RPAP3: variants seen among roughly 807,000 people sequenced by gnomAD.
RPAP3 encodes RNA polymerase II-associated protein 3.
A neutral mutation model predicts 88.8 loss-of-function variants in RPAP3; 58 were observed. The observed-to-expected ratio is 0.65, with a 90% confidence interval of 0.53 to 0.81. The LOEUF (loss-of-function observed/expected upper bound fraction) is 0.81. RPAP3 is among the 40% of genes least tolerant of loss of function. The probability of loss-of-function intolerance (pLI) is 0.00; values close to 1 mark genes in which losing one functional copy is unlikely to be tolerated. For missense variants in RPAP3, 751 were observed against 764.3 expected, an observed-to-expected ratio of 0.98 and a Z score of 0.20; for synonymous variants, 255 against 259.9, an observed-to-expected ratio of 0.98 and a Z score of 0.18.
At chr12:47,691,854 T>G (rs1297557810) in intron 5 of RPAP3, among the ~76,000 whole-genome samples, 1 of 152,036 alleles carries the variant, frequency 6.6e-6, no homozygotes, top group African/African-American at 2.4e-5. Flanking sequence ...CACGCCATTC[T>G]CCTGCCTCAG....
chr12:47,693,053 G>A (rs1446324820), intron 5 of RPAP3, among the ~76,000 whole-genome samples: 1 of 152,104 alleles, frequency 6.6e-6, no homozygotes, highest in African/African-American at 2.4e-5. Context: ...CTAATTGTTT[G>A]TATTTTTAGT....
Position 47,670,100 on chromosome 12 carries a change from T to G in RPAP3, c.1526+7A>C, listed in dbSNP as rs1432765193. On this transcript the variant is annotated splice_region_variant and intron_variant, in intron 13 of 16. Transcript: ENST00000005386. ...GATGATCAGCAAATAACAGTATTTC[T>G]ACTCACTGCAGGGATGAAGTATCAC... The G allele has an allele frequency of 9.9e-6, 15 of 1,507,542 alleles. No homozygotes were observed. Among genetic ancestry groups the G allele is most frequent in the Non-Finnish European group, 1.4e-5 (15 of 1,083,212 alleles). 93.4% of individuals were successfully genotyped at this position (1,507,542 alleles called of 1,614,324 possible). A position where few individuals can be genotyped will look rare whatever the true frequency, so the allele number is the denominator to read the frequency against.
At chr12:47,703,037 T>C (rs1169160553) in intron 1 of RPAP3, among the ~76,000 whole-genome samples, 191 bp from the exon 2 acceptor site, 2 of 152,042 alleles carry the variant, frequency 1.3e-5, no homozygotes, top group Non-Finnish European at 2.9e-5. Context: ...AATAAACAAA[T>C]GAAAAATAGA....
chr12:47,701,597 GGTAAATTCTAA>G lies in RPAP3; in HGVS notation c.154-4_160del. ...CCTAAAATTCCCATTTCGAATAGGA[GGTAAATTCTAA>G]GGAGGGAAAAAAAAACACAAAGTTG... is the stretch of plus-strand genomic sequence containing the variant. On this transcript the variant is annotated splice_acceptor_variant and splice_polypyrimidine_tract_variant and coding_sequence_variant and intron_variant, in exon 3 of 17. Transcript: ENST00000005386. LOFTEE classifies it high-confidence loss of function. 6.3e-7 allele frequency: 1 copy of G among 1,584,748 alleles called. No individual in the cohort carries two copies. The highest frequency in any genetic ancestry group is 8.6e-7 in the Non-Finnish European group (1 of 1,168,578).
chr12:47,689,132 AT>A lies in RPAP3; in HGVS notation c.730del (p.Ile244SerfsTer5). On this transcript the variant is annotated frameshift_variant, in exon 7 of 17. Transcript: ENST00000005386. LOFTEE classifies it high-confidence loss of function. ...NFEATNELRK[I>X]SQALASKENS... Reference sequence around the variant, plus strand: ...TAAATAACTATAGTTTACCTGACTGATTTTCCTGAGTTCATTTGTTGCTTCA... The same window carrying A: ...TAAATAACTATAGTTTACCTGACTGATTTCCTGAGTTCATTTGTTGCTTCA... 1 of 1,410,270 alleles carries A rather than the reference AT, an allele frequency of 7.1e-7. No individual in the cohort carries two copies. Among genetic ancestry groups the A allele is most frequent in the Non-Finnish European group, 9.9e-7 (1 of 1,005,426 alleles). The allele number at this position is 1,410,270 out of a possible 1,614,324, so 87.4% of individuals were successfully genotyped here. A position where few individuals can be genotyped will look rare whatever the true frequency, so the allele number is the denominator to read the frequency against.
Position 47,696,308 on chromosome 12 carries a change from C to T in RPAP3, c.513G>A (p.Thr171=), listed in dbSNP as rs773975607. ...GTCTAAAATATGCTGACGCTCTGTT[C>T]GTTGGCAACACGGGATTATATGGAT... ...DADPYNPVLP[T]NRASAYFRLK... is the part of the protein sequence containing the mutation. The change falls in exon 5 of 17, where the codon ACG becomes ACA. Residue 171 remains threonine, a synonymous_variant. Coordinates refer to ENST00000005386, the MANE Select transcript of RPAP3 (RefSeq NM_024604.3). 1.8e-5 allele frequency: 28 copies of T among 1,583,606 alleles called. No homozygotes were observed. Among genetic ancestry groups the T allele is most frequent in the Middle Eastern group, 1.7e-4 (1 of 6,026 alleles).
At chr12:47,665,044 A>G (rs1168280338) in intron 16 of RPAP3, among the ~76,000 whole-genome samples, 1 of 152,092 alleles carries the variant, frequency 6.6e-6, no homozygotes, top group Non-Finnish European at 1.5e-5. Context: ...CTACGTTGAG[A>G]GAACAGCCAA....
At chr12:47,669,557 A>C (rs1938954374) in intron 13 of RPAP3, among the ~76,000 whole-genome samples, 1 of 152,202 alleles carries the variant, frequency 6.6e-6, no homozygotes, top group Non-Finnish European at 1.5e-5. Context: ...AAAGTTTAAA[A>C]GAAAAAAACA....
intron 12 of RPAP3, 71 bp from the exon 13 acceptor site, chr12:47,670,416 A>T (rs1393445298): frequency 8.3e-6 from 7 of 842,090 alleles, no homozygotes; most frequent in Non-Finnish European, 1.3e-5. Flanking sequence ...ACAAGTTAAA[A>T]GGCTGCAATG....
At chr12:47,678,426 G>GCT (rs1939158518) in intron 12 of RPAP3, among the ~76,000 whole-genome samples, 2 of 152,188 alleles carry the variant, frequency 1.3e-5, no homozygotes. Context: ...AAGAGCTTCT[G>GCT]CATGGCAAAA....
chr12:47,685,054 A>C (rs896589538), intron 9 of RPAP3, among the ~76,000 whole-genome samples: 2 of 152,228 alleles, frequency 1.3e-5, no homozygotes, highest in Admixed American at 1.3e-4. Flanking sequence ...AAATGCAGAC[A>C]ATAGTATCTA....
chr12:47,688,488 CA>C (rs1409918170), intron 7 of RPAP3, among the ~76,000 whole-genome samples: 1 of 151,994 alleles, frequency 6.6e-6, no homozygotes, highest in Non-Finnish European at 1.5e-5. Context: ...ATCTAAAATA[CA>C]AGTTGAATTA....
At chr12:47,698,815 G>C (rs1190838705) in intron 3 of RPAP3, among the ~76,000 whole-genome samples, 1 of 152,026 alleles carries the variant, frequency 6.6e-6, no homozygotes, top group Non-Finnish European at 1.5e-5. Context: ...ACGACCATTA[G>C]AGTTCATTAA....
intron 9 of RPAP3, among the ~76,000 whole-genome samples, chr12:47,685,145 G>A (rs10875679): frequency 0.13 from 20,286 of 152,168 alleles, 1,680 homozygotes; most frequent in East Asian, 0.37. Context: ...CTGGGAGGCC[G>A]AGACGGGCAG....
chr12:47,687,003 A>G (rs1939340221), intron 8 of RPAP3, 96 bp from the exon 9 acceptor site: 1 of 686,352 alleles, frequency 1.5e-6, no homozygotes, highest in East Asian at 3.1e-5. Context: ...ATATTCACCA[A>G]CAGTATTTCA....
At chr12:47,700,973 TAAAGGG>T (rs1939643242) in intron 3 of RPAP3, among the ~76,000 whole-genome samples, 1 of 152,160 alleles carries the variant, frequency 6.6e-6, no homozygotes, top group Non-Finnish European at 1.5e-5. Flanking sequence ...AGTATGACTA[TAAAGGG>T]ATGGCACAAA....
At chr12:47,698,410 T>C (rs1324352275) in intron 3 of RPAP3, among the ~76,000 whole-genome samples, 1 of 152,210 alleles carries the variant, frequency 6.6e-6, no homozygotes, top group East Asian at 1.9e-4. Context: ...TCTCAATCTC[T>C]TTTGACTCAC....
intron 5 of RPAP3, chr12:47,696,010 G>A: frequency 3.8e-6 from 1 of 266,534 alleles, no homozygotes; most frequent in Non-Finnish European, 7.0e-6. Flanking sequence ...TTAGCTTTGT[G>A]AATTAGAAAA....
intron 12 of RPAP3, among the ~76,000 whole-genome samples, chr12:47,675,276 C>T (rs1939088086): frequency 6.6e-6 from 1 of 152,162 alleles, no homozygotes; most frequent in Non-Finnish European, 1.5e-5. Flanking sequence ...ACAACCAGTA[C>T]CAGCCACTGC....
Sources: gnomAD v4.1 joint callset for allele counts (sites outside exome capture counted in the v4.1 genomes callset) on GRCh38, gnomAD v4.1.1 for gene constraint, MANE v1.5 for transcripts, NCBI Gene and HGNC (gene_info 2026-07-23, HGNC 2026-07-21) for gene names.